The following ELP5 variants were observed in gnomAD, a reference collection of about 807,000 sequenced individuals.
The protein encoded by ELP5 is elongator acetyltransferase complex subunit 5, also known as elongator complex protein 5.
Under a neutral mutation model 33.4 loss-of-function variants are expected in ELP5, and 34 were observed. That is an observed-to-expected ratio of 1.02 (90% CI 0.78 to 1.36). The LOEUF (loss-of-function observed/expected upper bound fraction) is 1.36, where lower values mean the gene tolerates loss of function less well. ELP5 is among the 40% of genes most tolerant of loss of function. The pLI is 0.00. For missense variants in ELP5, 373 were observed against 371.7 expected (o/e 1.00, Z -0.03); for synonymous variants, 161 against 146.4 (o/e 1.10, Z -0.72).
chr17:7,254,027 G>GAGAACC (rs55816762), intron 3 of ELP5, among the ~76,000 whole-genome samples: 103,735 of 149,084 alleles, frequency 0.7, 36,741 homozygotes, highest in African/African-American at 0.84. Context: ...CACTCCACAA[G>GAGAACC]AGAAGATAGA....
intron 3 of ELP5, among the ~76,000 whole-genome samples, chr17:7,253,273 A>G (rs2071994167): frequency 6.6e-6 from 1 of 152,150 alleles, no homozygotes; most frequent in Non-Finnish European, 1.5e-5. Flanking sequence ...ATCCGGCTTC[A>G]CTCTTTAAGG....
Position 7,252,845 on chromosome 17 carries a change from G to C in ELP5, c.107+15G>C. 2 of 1,614,232 alleles carry C rather than the reference G, an allele frequency of 1.2e-6. No individual in the cohort carries two copies. The highest frequency in any genetic ancestry group is 1.7e-6 in the Non-Finnish European group (2 of 1,180,032). On this transcript the variant is annotated intron_variant, in intron 2 of 7. Transcript: ENST00000396628. ...TCTGCACTGTGGTGAGTATCCCACA[G>C]TGTCTCCCCGGCCTACCCTGGATAG...
At chr17:7,256,833 C>T (rs755173685) in intron 4 of ELP5, 24 bp from the exon 5 acceptor site, 2 of 1,613,332 alleles carry the variant, frequency 1.2e-6, no homozygotes, top group Non-Finnish European at 1.7e-6. Context: ...TCCCTACTAT[C>T]CTACATTTCT....
In ELP5 at chr17:7,252,626, G is replaced by A. The variant is rs965470917; in HGVS notation, c.46+30G>A. The stretch of plus-strand genomic sequence containing the variant: ...GAGCCAGAGGCACGGTGGCGGGGCG[G>A]GGGGTGCGGTTCGGGCCTGGCTGAG... On this transcript the variant is annotated intron_variant, in intron 1 of 7. Transcript: ENST00000396628. The A allele has an allele frequency of 2.5e-6, 4 of 1,606,948 alleles. No individual in the cohort carries two copies. The South Asian group carries it at 3.3e-5, about 13-fold the overall frequency.
At chr17:7,254,276 A>G (rs1346862250) in intron 3 of ELP5, among the ~76,000 whole-genome samples, 1 of 152,234 alleles carries the variant, frequency 6.6e-6, no homozygotes, top group Non-Finnish European at 1.5e-5. Flanking sequence ...GGCATATACT[A>G]TGTGTCAAGC....
At chr17:7,259,495 TCA>T (rs2072161814) in intron 7 of ELP5, 74 bp from the exon 8 acceptor site, 16 of 1,590,504 alleles carry the variant, frequency 1.0e-5, no homozygotes, top group Non-Finnish European at 1.3e-5. Flanking sequence ...TGAATGAGAG[TCA>T]CAGTCACCTG....
In ELP5 at chr17:7,256,942, C is replaced by T. The variant is rs779372866; in HGVS notation, c.495C>T (p.Ser165=). The T allele has an allele frequency of 6.2e-7, 1 of 1,613,958 alleles. No individual in the cohort carries two copies. Residue 165 remains serine (S), a synonymous_variant, in exon 5 of 8, where the codon AGC becomes AGT. Coordinates refer to ENST00000396628, the MANE Select transcript of ELP5 (RefSeq NM_203414.3). ...LHGPGPVGAL[S]SLAQTEVTLG... ...GACCAGGCCCTGTGGGAGCTCTCAG[C>T]AGCCTTGCTCAGACTGAGGTGACCC...
At chr17:7,254,848 C>A in intron 4 of ELP5, 45 bp downstream of exon 4, 1 of 1,509,226 alleles carries the variant, frequency 6.6e-7, no homozygotes, top group Non-Finnish European at 9.1e-7. Context: ...TCTCCCTCTG[C>A]CAAGGAGTGT....
rs1392299019 is a variant in ELP5, at chr17:7,254,721, A to C, written c.327A>C (p.Ser109=). The part of the protein sequence containing the change: ...DPVPVTIALD[S]LSWLLLRLPC... ...TTCCTGTCACCATTGCTCTCGATTC[A>C]CTCAGCTGGCTGCTACTTCGCCTTC... The change falls in exon 4 of 8, where the codon TCA becomes TCC. Residue 109 remains serine, a synonymous_variant. Coordinates refer to ENST00000396628, the MANE Select transcript of ELP5 (RefSeq NM_203414.3). The C allele has an allele frequency of 1.2e-6, 2 of 1,613,778 alleles. No individual in the cohort carries two copies. Among genetic ancestry groups the C allele is most frequent in the African/African-American group, 2.7e-5 (2 of 74,792 alleles).
chr17:7,259,747 ATCTT>A lies in ELP5; in HGVS notation c.*66_*69del. ...GCGGGAAGACTTTGGGCCCAGAACC[ATCTT>A]TCTATTGTTTGTGTTAGCCTTACCC... is the stretch of plus-strand genomic sequence containing the variant. On this transcript the variant is annotated 3_prime_UTR_variant, in exon 8 of 8. Transcript: ENST00000396628. The A allele has an allele frequency of 6.2e-7, 1 of 1,603,994 alleles. No homozygotes were observed. The highest frequency in any genetic ancestry group is 8.5e-7 in the Non-Finnish European group (1 of 1,175,306).
Position 7,254,767 on chromosome 17 carries a change from G to A in ELP5, c.373G>A (p.Val125Ile), listed in dbSNP as rs2143000618. The part of the protein sequence containing the change: ...LRLPCTTLCQ[V>I]LHAVSHQDSC... ...CCTTCCCTGCACCACACTCTGCCAG[G>A]TCCTGCATGCTGTGAGCCATCAGGA... Residue 125 changes from valine (V) to isoleucine (I), a missense_variant, in exon 4 of 8, where the codon GTC (valine) becomes ATC (isoleucine). Coordinates refer to ENST00000396628, the MANE Select transcript of ELP5 (RefSeq NM_203414.3). The A allele has an allele frequency of 1.2e-6, 2 of 1,614,044 alleles. No homozygotes were observed. The highest frequency in any genetic ancestry group is 4.5e-5 in the East Asian group (2 of 44,878).
chr17:7,259,537 C>A, intron 7 of ELP5, 34 bp from the exon 8 acceptor site: 1 of 1,613,212 alleles, frequency 6.2e-7, no homozygotes, highest in South Asian at 1.1e-5. Flanking sequence ...AACCTGTTAG[C>A]TACCCTCACC....
intron 3 of ELP5, among the ~76,000 whole-genome samples, chr17:7,253,456 G>C (rs897288707): frequency 6.6e-6 from 1 of 152,172 alleles, no homozygotes; most frequent in African/African-American, 2.4e-5. Flanking sequence ...CACATGTAAA[G>C]GACTTTAGTG....
At chr17:7,256,647 G>A (rs896720896) in intron 4 of ELP5, among the ~76,000 whole-genome samples, 7 of 152,190 alleles carry the variant, frequency 4.6e-5, no homozygotes, top group African/African-American at 1.7e-4. Flanking sequence ...AAGTTAGAGC[G>A]GTGCCTTGAT....
chr17:7,253,768 G>C (rs1029881409), intron 3 of ELP5, among the ~76,000 whole-genome samples: 10 of 152,162 alleles, frequency 6.6e-5, no homozygotes, highest in Non-Finnish European at 1.3e-4. Context: ...GGCTGAGGCG[G>C]GTGGATCACC....
chr17:7,253,724 G>A (rs1010522083), intron 3 of ELP5, among the ~76,000 whole-genome samples: 10 of 152,156 alleles, frequency 6.6e-5, no homozygotes, highest in South Asian at 2.1e-4. Context: ...GGCTGGGCGC[G>A]GTGGCTCACG....
At chr17:7,257,285 T>C (rs969746268) in intron 5 of ELP5, among the ~76,000 whole-genome samples, 1 of 152,124 alleles carries the variant, frequency 6.6e-6, no homozygotes, top group Admixed American at 6.6e-5. Flanking sequence ...GTGAGACCTT[T>C]TTTTAAAAAA....
chr17:7,257,157 G>C (rs2072096791), intron 5 of ELP5, 119 bp downstream of exon 5: 2 of 1,134,764 alleles, frequency 1.8e-6, no homozygotes, highest in Non-Finnish European at 2.4e-6. Context: ...CTTTTTTAGA[G>C]ATGGGGTTTC....
In ELP5 at chr17:7,258,729, T is replaced by G. The variant is rs768110567; in HGVS notation, c.687+46T>G. On this transcript the variant is annotated intron_variant, in intron 6 of 7. Transcript: ENST00000396628. The stretch of plus-strand genomic sequence containing the variant: ...CAGAACAAGGAAATGTAGTTTAGTA[T>G]CTGGTCACGGGAGAGAAAATAAAAG... 14 of 1,614,062 alleles carry G rather than the reference T, an allele frequency of 8.7e-6. No homozygotes were observed. The South Asian group carries it at 1.5e-4, about 18-fold the overall frequency.
Sources: allele counts gnomAD v4.1 joint callset (sites outside exome capture counted in the v4.1 genomes callset), GRCh38; gene constraint gnomAD v4.1.1; transcripts MANE v1.5; gene names NCBI Gene and HGNC (gene_info 2026-07-23, HGNC 2026-07-21).